The following SPECC1 variants were observed in gnomAD, a reference collection of about 807,000 sequenced individuals.
The protein encoded by SPECC1 is cytospin-B.
SPECC1 carries 62 observed loss-of-function variants against 104.1 expected under a neutral mutation model. The ratio of observed to expected loss-of-function variants is 0.60; its 90% CI spans 0.49 to 0.74. The LOEUF (loss-of-function observed/expected upper bound fraction) is 0.74. Among genes scored for constraint, SPECC1 ranks in the 30% least tolerant of loss-of-function variants. The pLI is 0.00. For missense variants in SPECC1, 1,306 were observed against 1,310.5 expected (o/e 1.00, Z 0.05); for synonymous variants, 513 against 501.6 (o/e 1.02, Z -0.30).
At chr17:20,200,932 A>T (rs2036390981) in intron 3 of SPECC1, among the ~76,000 whole-genome samples, 1 of 152,074 alleles carries the variant, frequency 6.6e-6, no homozygotes, top group African/African-American at 2.4e-5. Flanking sequence ...TAACAAAAAT[A>T]TGGCTGGATT....
chr17:20,066,998 G>A (rs554665361), intron 1 of SPECC1, among the ~76,000 whole-genome samples: 15 of 144,484 alleles, frequency 1.0e-4, no homozygotes, highest in Non-Finnish European at 1.9e-4. Context: ...TAATCTTCCC[G>A]CCTTGGCCTG....
At chr17:20,116,428 G>A (rs1265286578) in intron 3 of SPECC1, among the ~76,000 whole-genome samples, 1 of 152,086 alleles carries the variant, frequency 6.6e-6, no homozygotes, top group Non-Finnish European at 1.5e-5. Flanking sequence ...AGATAATAAT[G>A]TAAGAAACAG....
In SPECC1 at chr17:20,253,606, A is replaced by G; in HGVS notation, c.2680+20A>G. On this transcript the variant is annotated intron_variant, in intron 10 of 14. Transcript: ENST00000395527. ...TCTCAGGTAAATTATGTCAACATAAAGAACTTTTGACTTATCTTTCCGTGC... is the reference window on the plus strand; with the variant it reads ...TCTCAGGTAAATTATGTCAACATAAGGAACTTTTGACTTATCTTTCCGTGC... 6.2e-7 allele frequency: 1 copy of G among 1,611,412 alleles called. No individual in the cohort carries two copies. The highest frequency in any genetic ancestry group is 8.5e-7 in the Non-Finnish European group (1 of 1,178,136).
At chr17:20,280,157 G>C (rs992238558) in intron 12 of SPECC1, among the ~76,000 whole-genome samples, 3 of 152,214 alleles carry the variant, frequency 2.0e-5, no homozygotes, top group Non-Finnish European at 4.4e-5. Context: ...ACCTAAACGG[G>C]CTGCTGTCTC....
At chr17:20,277,815 G>A (rs1179505243) in intron 12 of SPECC1, among the ~76,000 whole-genome samples, 1 of 152,174 alleles carries the variant, frequency 6.6e-6, no homozygotes. Context: ...TTGTAGACGT[G>A]GACTTACACA....
chr17:20,163,087 A>G (rs561138682), intron 3 of SPECC1, among the ~76,000 whole-genome samples: 2 of 152,350 alleles, frequency 1.3e-5, no homozygotes, highest in Admixed American at 1.3e-4. Flanking sequence ...TACATAGTAA[A>G]AAATCTAAGA....
chr17:20,011,695 A>C (rs1052988728), intron 1 of SPECC1, among the ~76,000 whole-genome samples: 10 of 152,076 alleles, frequency 6.6e-5, no homozygotes, highest in African/African-American at 2.4e-4. Flanking sequence ...TAACTGTTTG[A>C]ATGGAAAACC....
At chr17:20,245,814 TC>T (rs909796012) in intron 7 of SPECC1, 111 bp from the exon 8 acceptor site, 40 of 1,261,940 alleles carry the variant, frequency 3.2e-5, no homozygotes, top group Middle Eastern at 2.3e-4. Context: ...ATTCAGAATT[TC>T]CCTTCCAGCT....
intron 9 of SPECC1, among the ~76,000 whole-genome samples, chr17:20,250,164 A>G (rs1260647007): frequency 6.6e-6 from 1 of 152,214 alleles, no homozygotes; most frequent in Non-Finnish European, 1.5e-5. Context: ...ATGCTGAAAG[A>G]AAACACCTGC....
intron 3 of SPECC1, among the ~76,000 whole-genome samples, chr17:20,187,066 A>G (rs2035331602): frequency 1.3e-5 from 2 of 151,998 alleles, no homozygotes; most frequent in African/African-American, 2.4e-5. Flanking sequence ...ATTTTGGAAT[A>G]CTTGCATTAT....
At chr17:20,235,562 A>G (rs1401621273) in intron 7 of SPECC1, among the ~76,000 whole-genome samples, 1 of 152,176 alleles carries the variant, frequency 6.6e-6, no homozygotes, top group Non-Finnish European at 1.5e-5. Context: ...CAAGCTTTCT[A>G]ATGAAAGACA....
At position 20,208,699 on chromosome 17, in the gene SPECC1, T is replaced by G. The variant is rs72830183; in HGVS notation, c.1863+2787T>G. ...GATGGATCCTGGTCTCGTATCTAAT[T>G]CCAAGGGAAGCATTTAACATTTAAT... On this transcript the variant is annotated intron_variant, in intron 4 of 14. Coordinates refer to ENST00000395527, the MANE Select transcript of SPECC1 (RefSeq NM_001243439.2). Among the ~76,000 whole-genome samples the G allele has an allele frequency of 1.4e-3, 210 of 152,376 alleles. 1 individual carries two copies. Among genetic ancestry groups the G allele is most frequent in the Non-Finnish European group, 2.4e-3 (166 of 68,038 alleles).
At chr17:20,221,009 A>G (rs1793794281) in intron 4 of SPECC1, among the ~76,000 whole-genome samples, 1 of 152,204 alleles carries the variant, frequency 6.6e-6, no homozygotes, top group South Asian at 2.1e-4. Flanking sequence ...CCTAGGATAA[A>G]TCCCACTTGG....
At chr17:20,017,596 C>CG (rs1240759132) in intron 1 of SPECC1, 4 of 152,346 alleles carry the variant, frequency 2.6e-5, no homozygotes, top group African/African-American at 9.6e-5. Context: ...TTACTTCTCT[C>CG]GCCTTACAAG....
chr17:20,017,956 T>C (rs1245835128), intron 1 of SPECC1: 3 of 152,350 alleles, frequency 2.0e-5, no homozygotes, highest in African/African-American at 7.2e-5. Flanking sequence ...ATCTTCGAAG[T>C]TTGAGAATTC....
At chr17:20,082,970 G>A (rs1417376474) in intron 1 of SPECC1, among the ~76,000 whole-genome samples, 7 of 72,640 alleles carry the variant, frequency 9.6e-5, no homozygotes, top group African/African-American at 2.8e-4. Flanking sequence ...TCGTTCGTTC[G>A]TTCGTTCGTT....
At chr17:20,145,286 A>C (rs2031329986) in intron 3 of SPECC1, among the ~76,000 whole-genome samples, 1 of 152,202 alleles carries the variant, frequency 6.6e-6, no homozygotes, top group Admixed American at 6.5e-5. Flanking sequence ...TAAGTAGAGA[A>C]AAAGAATGGC....
At chr17:20,015,796 G>T (rs2044099242) in intron 1 of SPECC1, among the ~76,000 whole-genome samples, 2 of 149,958 alleles carry the variant, frequency 1.3e-5, no homozygotes, top group Non-Finnish European at 3.0e-5. Flanking sequence ...GTGTTAACCA[G>T]GATGATCTCG....
intron 14 of SPECC1, among the ~76,000 whole-genome samples, chr17:20,310,178 T>C (rs1194371071): frequency 6.6e-6 from 1 of 152,212 alleles, no homozygotes; most frequent in Admixed American, 6.5e-5. Flanking sequence ...TTTGCTATTG[T>C]GACTAGCACT....
Sources: allele counts gnomAD v4.1 joint callset (sites outside exome capture counted in the v4.1 genomes callset), GRCh38; gene constraint gnomAD v4.1.1; transcripts MANE v1.5; gene names NCBI Gene and HGNC (gene_info 2026-07-23, HGNC 2026-07-21).